ADAMTS2: variants seen among roughly 807,000 people sequenced by gnomAD.
ADAMTS2 encodes A disintegrin and metalloproteinase with thrombospondin motifs 2.
A neutral mutation model predicts 123.0 loss-of-function variants in ADAMTS2; 50 were observed. The observed-to-expected ratio is 0.41, with a 90% confidence interval of 0.32 to 0.51. ADAMTS2 has a LOEUF of 0.51. ADAMTS2 is among the 20% of genes least tolerant of loss of function. The pLI, the probability that ADAMTS2 is intolerant of heterozygous loss-of-function variation, is 0.35. For missense variants in ADAMTS2, 1,494 were observed against 1,705.2 expected (o/e 0.88, Z 2.18); for synonymous variants, 678 against 695.4 (o/e 0.98, Z 0.39).
At chr5:179,288,319 C>T (rs762147390) in intron 2 of ADAMTS2, among the ~76,000 whole-genome samples, 3 of 152,234 alleles carry the variant, frequency 2.0e-5, no homozygotes, top group Non-Finnish European at 2.9e-5. Context: ...CACTCCCGGG[C>T]GGGCAGCCCT....
At chr5:179,264,677 G>A (rs1051899644) in intron 3 of ADAMTS2, among the ~76,000 whole-genome samples, 8 of 152,246 alleles carry the variant, frequency 5.3e-5, no homozygotes, top group Admixed American at 1.3e-4. Context: ...GGAAGATGGC[G>A]AGGCAGAGGA....
chr5:179,200,594 T>C (rs1764540990), intron 4 of ADAMTS2, among the ~76,000 whole-genome samples: 1 of 152,128 alleles, frequency 6.6e-6, no homozygotes, highest in African/African-American at 2.4e-5. Context: ...AGGGCTGCTA[T>C]GGCTAAACCC....
intron 2 of ADAMTS2, among the ~76,000 whole-genome samples, chr5:179,324,168 G>C (rs889742749): frequency 6.6e-6 from 1 of 152,178 alleles, no homozygotes; most frequent in East Asian, 1.9e-4. Flanking sequence ...GGTTACTAAA[G>C]GGTCTGGGGT....
intron 2 of ADAMTS2, 129 bp from the exon 3 acceptor site, chr5:179,273,193 G>A: frequency 7.0e-7 from 1 of 1,419,106 alleles, no homozygotes; most frequent in South Asian, 1.2e-5. Flanking sequence ...CTGGTGCTCA[G>A]CTTGAACCCT....
chr5:179,253,979 GC>G, intron 3 of ADAMTS2, among the ~76,000 whole-genome samples: 1 of 152,306 alleles, frequency 6.6e-6, no homozygotes, highest in Non-Finnish European at 1.5e-5. Flanking sequence ...GGTGATCGGA[GC>G]CCCCTCTAAT....
intron 4 of ADAMTS2, among the ~76,000 whole-genome samples, chr5:179,194,772 G>T (rs781214576): frequency 6.6e-6 from 1 of 152,160 alleles, no homozygotes; most frequent in Non-Finnish European, 1.5e-5. Flanking sequence ...GGTCACAGGT[G>T]TGCCTCCTTG....
intron 2 of ADAMTS2, among the ~76,000 whole-genome samples, chr5:179,284,845 G>T (rs935041587): frequency 6.6e-5 from 10 of 152,242 alleles, no homozygotes; most frequent in African/African-American, 2.2e-4. Context: ...AAGCCCAGCT[G>T]CAGCATGACC....
intron 2 of ADAMTS2, among the ~76,000 whole-genome samples, chr5:179,300,255 G>A (rs567784336): frequency 2.2e-4 from 34 of 152,238 alleles, no homozygotes; most frequent in African/African-American, 7.5e-4. Flanking sequence ...TCGGGACTGG[G>A]ACATGGACAA....
rs1010067784 is a variant in ADAMTS2 at position 179,181,867 on chromosome 5, G to A, written c.892-712C>T. ...GGGACCCGTGGCACAAAAACAGGGGGGTGAACTCCCCTTCTACAGAACACA... is the reference window on the plus strand; with the variant it reads ...GGGACCCGTGGCACAAAAACAGGGGAGTGAACTCCCCTTCTACAGAACACA... On this transcript the variant is annotated intron_variant, in intron 4 of 21. Transcript: ENST00000251582. The surrounding 1 kb of genome is among the most constrained non-coding windows in gnomAD (Gnocchi z 4.1). 5.9e-5 allele frequency among the ~76,000 whole-genome samples: 9 copies of A among 152,096 alleles called. No homozygotes were observed. Among genetic ancestry groups the A allele is most frequent in the Non-Finnish European group, 1.2e-4 (8 of 68,022 alleles).
intron 2 of ADAMTS2, among the ~76,000 whole-genome samples, chr5:179,338,586 G>C (rs1422101222): frequency 6.6e-6 from 1 of 152,188 alleles, no homozygotes; most frequent in Non-Finnish European, 1.5e-5. Flanking sequence ...CCTTTCTCCC[G>C]GAGTCTCATT....
chr5:179,206,846 T>A (rs1764709615), intron 4 of ADAMTS2, among the ~76,000 whole-genome samples: 2 of 152,142 alleles, frequency 1.3e-5, no homozygotes, highest in Non-Finnish European at 2.9e-5. Flanking sequence ...TTCTTTAATC[T>A]CTTAGTGTTA....
intron 3 of ADAMTS2, among the ~76,000 whole-genome samples, chr5:179,241,003 T>C (rs1765655980): frequency 6.6e-6 from 1 of 152,216 alleles, no homozygotes; most frequent in South Asian, 2.1e-4. Flanking sequence ...AGGAGGAAAC[T>C]CAAATCTCAG....
Position 179,308,133 on chromosome 5 carries a change from G to A in ADAMTS2, c.535-35069C>T, listed in dbSNP as rs188852236. 8.1e-4 allele frequency among the ~76,000 whole-genome samples: 123 copies of A among 152,314 alleles called. No homozygotes were observed. Among genetic ancestry groups the A allele is most frequent in the Middle Eastern group, 3.4e-3 (1 of 294 alleles). On this transcript the variant is annotated intron_variant, in intron 2 of 21. Transcript: ENST00000251582. The surrounding 1 kb of genome is among the most constrained non-coding windows in gnomAD (Gnocchi z 6.6). ...GAGTGGGCCAAGTTTGCCGCCTTCT[G>A]GAGCGACAACAAGGAGAAAACAGGG...
In ADAMTS2 at chr5:179,129,684, C is replaced by G. The variant is rs532679104; in HGVS notation, c.2457+248G>C. Among the ~76,000 whole-genome samples, 1 of 152,144 alleles carries G rather than the reference C, an allele frequency of 6.6e-6. No individual in the cohort carries two copies. ...GTGAATGTCATTCAGATGGTGAAAC[C>G]GAAACCCTCAAAGGGAGAGTGTGCC... On this transcript the variant is annotated intron_variant, in intron 16 of 21. Transcript: ENST00000251582. The surrounding 1 kb of genome is among the most constrained non-coding windows in gnomAD (Gnocchi z 4.1).
intron 3 of ADAMTS2, among the ~76,000 whole-genome samples, chr5:179,239,055 T>C (rs1765599417): frequency 6.6e-6 from 1 of 152,108 alleles, no homozygotes; most frequent in Non-Finnish European, 1.5e-5. Flanking sequence ...ATAAAAACCA[T>C]TGAATCGTAC....
chr5:179,266,275 G>A (rs1348234975), intron 3 of ADAMTS2, among the ~76,000 whole-genome samples: 1 of 152,202 alleles, frequency 6.6e-6, no homozygotes, highest in African/African-American at 2.4e-5. Flanking sequence ...TACCTTATAT[G>A]GCAGAAGAGA....
chr5:179,319,985 C>A (rs900106343), intron 2 of ADAMTS2, among the ~76,000 whole-genome samples: 1 of 152,240 alleles, frequency 6.6e-6, no homozygotes, highest in Non-Finnish European at 1.5e-5. Flanking sequence ...TGCATTCAGG[C>A]CACTCCTGCT....
chr5:179,326,190 G>A (rs1279946918), intron 2 of ADAMTS2, among the ~76,000 whole-genome samples: 3 of 137,084 alleles, frequency 2.2e-5, no homozygotes, highest in South Asian at 5.1e-4. Flanking sequence ...GAGAAATGGC[G>A]TTTGTGTGTG....
chr5:179,155,340 C>G lies in ADAMTS2; in HGVS notation c.1133-421G>C, dbSNP rs1051067965. On this transcript the variant is annotated intron_variant, in intron 6 of 21. Transcript: ENST00000251582. This position sits in a 1 kb window ranked among gnomAD's most constrained non-coding sequence, Gnocchi z 5.1. ...CACACCTCTCTCTGCTAGAGGCATC[C>G]TGCCCCTCGTCTGCCTGGTATCACA... Among the ~76,000 whole-genome samples, 1 of 152,206 alleles carries G rather than the reference C, an allele frequency of 6.6e-6. No individual in the cohort carries two copies. The highest frequency in any genetic ancestry group is 1.5e-5 in the Non-Finnish European group (1 of 68,038).
Sources: gnomAD v4.1 joint callset for allele counts (sites outside exome capture counted in the v4.1 genomes callset) on GRCh38, gnomAD v4.1.1 for gene constraint, Gnocchi (gnomAD v3.1) non-coding constraint, MANE v1.5 for transcripts, NCBI Gene and HGNC (gene_info 2026-07-23, HGNC 2026-07-21) for gene names.